CYP19A1: variants seen among roughly 807,000 people sequenced by gnomAD.
CYP19A1 encodes the protein aromatase.
In CYP19A1, 32 loss-of-function variants were observed where a neutral mutation model predicts 44.4. The ratio of observed to expected loss-of-function variants is 0.72; its 90% CI spans 0.54 to 0.97. The LOEUF (loss-of-function observed/expected upper bound fraction) is 0.97. Among genes scored for constraint, CYP19A1 ranks in the 50% least tolerant of loss-of-function variants. The probability of loss-of-function intolerance (pLI) is 0.00; values close to 1 mark genes in which losing one functional copy is unlikely to be tolerated. For missense variants in CYP19A1, 598 were observed against 637.8 expected (o/e 0.94, Z 0.67); for synonymous variants, 212 against 215.6 (o/e 0.98, Z 0.14).
At chr15:51,250,678 C>T (rs151240985) in intron 1 of CYP19A1, among the ~76,000 whole-genome samples, 1 of 152,338 alleles carries the variant, frequency 6.6e-6, no homozygotes, top group African/African-American at 2.4e-5. Flanking sequence ...GTTGATCCCC[C>T]AGATCCTATT....
chr15:51,239,039 AGCTGGAGAGAAGAAT>A (rs750438275), intron 2 of CYP19A1, among the ~76,000 whole-genome samples: 52 of 152,326 alleles, frequency 3.4e-4, no homozygotes, highest in Admixed American at 1.9e-3. Context: ...CCCACCCTCC[AGCTGGAGAGAAGAAT>A]GCTGGAGGAA....
At chr15:51,235,475 T>G (rs1038682354) in intron 3 of CYP19A1, among the ~76,000 whole-genome samples, 1 of 152,180 alleles carries the variant, frequency 6.6e-6, no homozygotes, top group Non-Finnish European at 1.5e-5. Flanking sequence ...CCCAATGAAA[T>G]GATGTTTCCA....
chr15:51,324,355 A>G (rs2036575528), intron 1 of CYP19A1, among the ~76,000 whole-genome samples: 1 of 152,276 alleles, frequency 6.6e-6, no homozygotes, highest in African/African-American at 2.4e-5. Flanking sequence ...TTTGTTCCCA[A>G]ATAAGTTTAG....
At chr15:51,216,810 A>G (rs537970686) in intron 6 of CYP19A1, among the ~76,000 whole-genome samples, 2 of 152,302 alleles carry the variant, frequency 1.3e-5, no homozygotes, top group South Asian at 4.1e-4. Flanking sequence ...TTCTCTTTCT[A>G]TGTAAGATAC....
chr15:51,333,533 T>C (rs2036733010), intron 1 of CYP19A1, among the ~76,000 whole-genome samples: 1 of 152,238 alleles, frequency 6.6e-6, no homozygotes, highest in Non-Finnish European at 1.5e-5. Context: ...AGCACATGTT[T>C]AGGGTCCACA....
intron 3 of CYP19A1, 133 bp downstream of exon 3, chr15:51,236,726 T>C (rs887371584): frequency 1.0e-5 from 11 of 1,101,140 alleles, no homozygotes; most frequent in Non-Finnish European, 1.5e-5. Flanking sequence ...TTCTGGGGAT[T>C]GCTCACTTCA....
At chr15:51,328,162 G>C (rs1490288435) in intron 1 of CYP19A1, among the ~76,000 whole-genome samples, 15 of 152,298 alleles carry the variant, frequency 9.8e-5, no homozygotes, top group African/African-American at 3.1e-4. Flanking sequence ...TCTTCATAAA[G>C]TCCTGAACAA....
chr15:51,326,912 A>C (rs1031650745), intron 1 of CYP19A1, among the ~76,000 whole-genome samples: 1 of 152,184 alleles, frequency 6.6e-6, no homozygotes, highest in African/African-American at 2.4e-5. Context: ...ATAGGCTTTT[A>C]AACCTGGAAA....
At chr15:51,230,368 C>T (rs1392833953) in intron 3 of CYP19A1, among the ~76,000 whole-genome samples, 4 of 152,188 alleles carry the variant, frequency 2.6e-5, no homozygotes, top group Non-Finnish European at 5.9e-5. Flanking sequence ...TCCCCAGCCT[C>T]AGCAGGGACA....
intron 1 of CYP19A1, among the ~76,000 whole-genome samples, chr15:51,311,409 A>C (rs932720202): frequency 1.3e-5 from 2 of 152,268 alleles, no homozygotes; most frequent in Non-Finnish European, 2.9e-5. Flanking sequence ...GTAGATCATC[A>C]GAAATTATCC....
At chr15:51,300,756 C>T (rs1315819938) in intron 1 of CYP19A1, among the ~76,000 whole-genome samples, 1 of 152,140 alleles carries the variant, frequency 6.6e-6, no homozygotes, top group East Asian at 1.9e-4. Context: ...CCATTCTATG[C>T]CTTTCTTATT....
chr15:51,245,904 G>A lies in CYP19A1; in HGVS notation c.-38-2954C>T, dbSNP rs2034032671. On this transcript the variant is annotated intron_variant, in intron 1 of 9. Transcript: ENST00000396402. Reference sequence around the variant, plus strand: ...CATATGTGACAGAGCTGGAATTGGGGCCTAGGTGGTCTGTCTCCAGAGCCC... The same window carrying A: ...CATATGTGACAGAGCTGGAATTGGGACCTAGGTGGTCTGTCTCCAGAGCCC... Among the ~76,000 whole-genome samples, 3 of 152,212 alleles carry A rather than the reference G, an allele frequency of 2.0e-5. No homozygotes were observed. In the South Asian group the frequency reaches 6.2e-4, roughly 32 times the overall value.
At chr15:51,291,016 G>A (rs372086026) in intron 1 of CYP19A1, among the ~76,000 whole-genome samples, 4 of 152,176 alleles carry the variant, frequency 2.6e-5, no homozygotes, top group Non-Finnish European at 4.4e-5. Flanking sequence ...GGATAGACAC[G>A]GGCTACCCTG....
intron 1 of CYP19A1, among the ~76,000 whole-genome samples, chr15:51,255,951 A>T (rs1256277395): frequency 6.6e-6 from 1 of 152,246 alleles, no homozygotes; most frequent in African/African-American, 2.4e-5. Context: ...GAAGTGACAA[A>T]GTTGCCCAAA....
chr15:51,291,607 A>G (rs1460669572), intron 1 of CYP19A1, among the ~76,000 whole-genome samples: 17 of 152,220 alleles, frequency 1.1e-4, no homozygotes, highest in Admixed American at 1.1e-3. Context: ...AGCCGCAGCA[A>G]GACCAACGTA....
At chr15:51,285,231 C>T (rs375446956) in intron 1 of CYP19A1, among the ~76,000 whole-genome samples, 4 of 152,156 alleles carry the variant, frequency 2.6e-5, no homozygotes, top group Non-Finnish European at 4.4e-5. Flanking sequence ...CAGCATGGAC[C>T]TTCATCCTGA....
At chr15:51,270,959 G>A (rs1009809156) in intron 1 of CYP19A1, among the ~76,000 whole-genome samples, 26 of 152,126 alleles carry the variant, frequency 1.7e-4, no homozygotes, top group African/African-American at 6.0e-4. Flanking sequence ...GGTTTCCTAG[G>A]TTCCTGTTCC....
At chr15:51,277,954 G>T (rs959142767) in intron 1 of CYP19A1, 29 of 110,574 alleles carry the variant, frequency 2.6e-4, no homozygotes, top group African/African-American at 6.6e-4. Flanking sequence ...AGTTGCATGA[G>T]TTTTTTTTTT....
chr15:51,280,123 T>TC (rs2035464611), intron 1 of CYP19A1: 1 of 147,464 alleles, frequency 6.8e-6, no homozygotes, highest in African/African-American at 2.5e-5. Context: ...CCTTCTTTTT[T>TC]TTTTTTTTTT....
Sources: gnomAD v4.1 joint callset for allele counts (sites outside exome capture counted in the v4.1 genomes callset) on GRCh38, gnomAD v4.1.1 for gene constraint, MANE v1.5 for transcripts, NCBI Gene and HGNC (gene_info 2026-07-23, HGNC 2026-07-21) for gene names.